CFAP99: variants seen among roughly 807,000 people sequenced by gnomAD.
CFAP99 encodes cilia and flagella associated protein 99, also known as cilia- and flagella-associated protein 99.
A neutral mutation model predicts 82.7 loss-of-function variants in CFAP99; 84 were observed. The observed-to-expected ratio is 1.02, with a 90% CI of 0.85 to 1.22. The LOEUF (loss-of-function observed/expected upper bound fraction) is 1.22, where lower values mean the gene tolerates loss of function less well. CFAP99 is among the 50% of genes most tolerant of loss of function. The pLI, the probability that CFAP99 is intolerant of heterozygous loss-of-function variation, is 0.00. For missense variants in CFAP99, 1,059 were observed against 983.5 expected (o/e 1.08, Z -1.03); for synonymous variants, 456 against 429.5 (o/e 1.06, Z -0.76).
intron 11 of CFAP99, among the ~76,000 whole-genome samples, chr4:2,452,630 C>T (rs1482584254): frequency 1.3e-5 from 2 of 152,220 alleles, no homozygotes; most frequent in African/African-American, 4.8e-5. Flanking sequence ...TATACTCTCT[C>T]CTGGGACGTA....
At chr4:2,424,410 G>A (rs985866983) in intron 1 of CFAP99, among the ~76,000 whole-genome samples, 2 of 152,106 alleles carry the variant, frequency 1.3e-5, no homozygotes, top group Admixed American at 6.5e-5. Context: ...CCAAGAGCAC[G>A]CCATTGCACT....
intron 2 of CFAP99, among the ~76,000 whole-genome samples, chr4:2,434,030 G>A (rs1733854505): frequency 6.6e-6 from 1 of 152,220 alleles, no homozygotes; most frequent in Non-Finnish European, 1.5e-5. Flanking sequence ...GGCAGGGAGA[G>A]CAGCTGGGGT....
chr4:2,459,232 A>C, exon 13 of CFAP99: 1 of 1,535,302 alleles, frequency 6.5e-7, no homozygotes, highest in Non-Finnish European at 8.7e-7. Context: ...GCCCACGCGC[A>C]AGGGCAAGCT....
intron 1 of CFAP99, among the ~76,000 whole-genome samples, chr4:2,420,118 G>A (rs1308418197): frequency 2.0e-5 from 3 of 151,384 alleles, no homozygotes; most frequent in Admixed American, 6.6e-5. Context: ...TCTCCTCCTC[G>A]CTCCTGGCCA....
intron 1 of CFAP99, among the ~76,000 whole-genome samples, chr4:2,425,782 CT>C (rs1245221205): frequency 6.6e-6 from 1 of 152,102 alleles, no homozygotes; most frequent in Non-Finnish European, 1.5e-5. Context: ...CAGCCTCCCC[CT>C]AGGCAGCTTC....
intron 1 of CFAP99, among the ~76,000 whole-genome samples, chr4:2,420,255 T>A (rs193178155): frequency 5.0e-4 from 76 of 152,238 alleles, no homozygotes; most frequent in African/African-American, 1.7e-3. Context: ...TACAGTTACA[T>A]GGTTTTATAA....
chr4:2,460,224 G>A (rs1483453865), exon 14 of CFAP99: 2 of 1,536,106 alleles, frequency 1.3e-6, no homozygotes, highest in Admixed American at 2.0e-5. Context: ...GCAGCCATGG[G>A]GAGATCCGCA....
intron 2 of CFAP99, among the ~76,000 whole-genome samples, chr4:2,436,620 G>T (rs1733913188): frequency 6.7e-6 from 1 of 149,596 alleles, no homozygotes; most frequent in African/African-American, 2.4e-5. Context: ...CTTGTCCCTT[G>T]TGTCATTCCT....
chr4:2,443,256 G>A lies in CFAP99; in HGVS notation c.464+14G>A, dbSNP rs957494049. 6.7e-7 allele frequency: 1 copy of A among 1,493,562 alleles called. No individual in the cohort carries two copies. The highest frequency in any genetic ancestry group is 9.0e-7 in the Non-Finnish European group (1 of 1,108,446). 92.5% of individuals were successfully genotyped at this position (1,493,562 alleles called of 1,614,324 possible). A position where few individuals can be genotyped will look rare whatever the true frequency, so the allele number is the denominator to read the frequency against. On this transcript the variant is annotated intron_variant, in intron 5 of 14. Coordinates refer to ENST00000635017, the Ensembl canonical transcript of CFAP99. ...CCCCCTGATGAGGTAGGCTGGATGG[G>A]GGGCTCTGGGGGCCCTGAATGGCAT...
Position 2,449,803 on chromosome 4 carries a change from G to A in CFAP99, c.723+53G>A. ...TAGAGACCCCATATGAGGGATGTGT[G>A]AAGGGAAGGTGGGGTGGGGAGAGGG... is the stretch of plus-strand genomic sequence containing the variant. On this transcript the variant is annotated intron_variant, in intron 7 of 14. Coordinates refer to ENST00000635017, the Ensembl canonical transcript of CFAP99. The A allele has an allele frequency of 2.6e-6, 4 of 1,532,844 alleles. No individual in the cohort carries two copies. The Admixed American group carries it at 5.9e-5, about 23-fold the overall frequency. 95.0% of individuals were successfully genotyped at this position (1,532,844 alleles called of 1,614,324 possible). A position where few individuals can be genotyped will look rare whatever the true frequency, so the allele number is the denominator to read the frequency against.
intron 2 of CFAP99, chr4:2,426,866 C>A: frequency 2.3e-6 from 1 of 429,794 alleles, no homozygotes; most frequent in Non-Finnish European, 4.4e-6. Flanking sequence ...TGAGAAGGGT[C>A]AGCCCTGGAG....
At chr4:2,450,766 G>A (rs768319521) in intron 8 of CFAP99, among the ~76,000 whole-genome samples, 181 bp from the exon 9 acceptor site, 1 of 152,178 alleles carries the variant, frequency 6.6e-6, no homozygotes, top group Non-Finnish European at 1.5e-5. Flanking sequence ...CAAGGCTTGG[G>A]GGGCATTGGA....
Position 2,429,773 on chromosome 4 carries a change from A to G in CFAP99, c.111+3187A>G, listed in dbSNP as rs930474889. Among the ~76,000 whole-genome samples, 27 of 152,112 alleles carry G rather than the reference A, an allele frequency of 1.8e-4. 1 individual carries two copies. Among genetic ancestry groups the G allele is most frequent in the African/African-American group, 6.3e-4 (26 of 41,498 alleles). ...CGCCCAGCTAATTTTTTGTATTTTT[A>G]GTAGAGACGGGGTTTCACTGTGTTA... On this transcript the variant is annotated intron_variant, in intron 2 of 14. Transcript: ENST00000635017.
intron 1 of CFAP99, among the ~76,000 whole-genome samples, chr4:2,424,857 G>C (rs965726872): frequency 1.3e-4 from 20 of 152,202 alleles, no homozygotes; most frequent in Non-Finnish European, 2.6e-4. Context: ...CTCATTCCCT[G>C]TGCTAAGCTG....
At chr4:2,431,003 T>C (rs1382780977) in intron 2 of CFAP99, among the ~76,000 whole-genome samples, 1 of 150,454 alleles carries the variant, frequency 6.6e-6, no homozygotes, top group Non-Finnish European at 1.5e-5. Context: ...GTCCAGGAGT[T>C]GAAGGCTATG....
chr4:2,460,304 T>C, intron 14 of CFAP99, 62 bp downstream of exon 14: 3 of 1,439,546 alleles, frequency 2.1e-6, no homozygotes, highest in Non-Finnish European at 2.8e-6. Flanking sequence ...TAAGCCTGCC[T>C]TGCACCCTCC....
At chr4:2,449,401 A>G (rs1210386554) in intron 6 of CFAP99, among the ~76,000 whole-genome samples, 1 of 151,920 alleles carries the variant, frequency 6.6e-6, no homozygotes. Flanking sequence ...CGCCCTCAGT[A>G]CTGCCGGCTC....
rs567433965 is a variant in CFAP99, at chr4:2,436,928, G to A, written c.166G>A (p.Glu56Lys). Reference sequence around the variant, plus strand: ...TTTGGAGGTTCTGTCTGGGTGCCTCGAGTACCGGAAGCTGCTGACCGTCGT... The same window carrying A: ...TTTGGAGGTTCTGTCTGGGTGCCTCAAGTACCGGAAGCTGCTGACCGTCGT... The change falls in exon 3 of 15, where the codon GAG (glutamate) becomes AAG (lysine). Residue 56 changes from glutamate (E) to lysine (K), a missense_variant. Physicochemically the swap from Glu to Lys is moderately conservative, Grantham distance 56 (BLOSUM62 1). Transcript: ENST00000635017. 9.1e-6 allele frequency: 14 copies of A among 1,536,054 alleles called. 1 individual carries two copies. Among genetic ancestry groups the A allele is most frequent in the African/African-American group, 8.2e-5 (6 of 73,170 alleles).
At chr4:2,420,300 A>G (rs934576886) in intron 1 of CFAP99, among the ~76,000 whole-genome samples, 5 of 151,958 alleles carry the variant, frequency 3.3e-5, no homozygotes, top group African/African-American at 1.2e-4. Context: ...CAAAACCTAT[A>G]TCTCTAGCCT....
Sources: gnomAD v4.1 joint callset for allele counts (sites outside exome capture counted in the v4.1 genomes callset) on GRCh38, gnomAD v4.1.1 for gene constraint, MANE v1.5 for transcripts, NCBI Gene and HGNC (gene_info 2026-07-23, HGNC 2026-07-21) for gene names.